NLRP12: variants seen among roughly 807,000 people sequenced by gnomAD.
NLRP12 encodes NACHT, LRR and PYD domains-containing protein 12.
In NLRP12, 108 loss-of-function variants were observed where a neutral mutation model predicts 91.2. The observed-to-expected ratio is 1.18, with a 90% CI of 1.01 to 1.39. The LOEUF (loss-of-function observed/expected upper bound fraction) is 1.39, where lower values mean the gene tolerates loss of function less well. Ranked by LOEUF, NLRP12 falls within the 40% of genes most tolerant of loss-of-function variation. The pLI, the probability that NLRP12 is intolerant of heterozygous loss-of-function variation, is 0.00. For missense variants in NLRP12, 1,530 were observed against 1,352.7 expected (o/e 1.13, Z -2.06); for synonymous variants, 613 against 566.7 (o/e 1.08, Z -1.16).
At chr19:53,823,625 C>T (rs2092302392) in intron 1 of NLRP12, among the ~76,000 whole-genome samples, 1 of 150,624 alleles carries the variant, frequency 6.6e-6, no homozygotes, top group Admixed American at 6.7e-5. Flanking sequence ...CATAGCTCAC[C>T]GCAGCCTCGA....
chr19:53,814,920 T>C lies in NLRP12; in HGVS notation c.358A>G (p.Thr120Ala). 1 of 1,613,540 alleles carries C rather than the reference T, an allele frequency of 6.2e-7. No individual in the cohort carries two copies. The highest frequency in any genetic ancestry group is 8.5e-7 in the Non-Finnish European group (1 of 1,179,770). Residue 120 changes from threonine (T) to alanine (A), a missense_variant, in exon 2 of 10, where the codon ACT (threonine) becomes GCT (alanine). Physicochemically the swap from Thr to Ala is moderately conservative, Grantham distance 58. Coordinates refer to ENST00000324134, the MANE Select transcript of NLRP12 (RefSeq NM_144687.4). ...STCLLEVSLV[T>A]PRKDPQETYR... ...GCTTGAGGCTCACCTTTTCTTGGAG[T>C]GACAAGAGAGACTTCCAGAAGGCAT... is the stretch of plus-strand genomic sequence containing the variant.
At chr19:53,803,656 T>G in intron 6 of NLRP12, 1 of 392,658 alleles carries the variant, frequency 2.5e-6, no homozygotes, top group Middle Eastern at 9.0e-4. Context: ...TCACTGCAAC[T>G]TCCGCCTCTC....
In NLRP12 at chr19:53,809,661, A is replaced by G. The variant is rs1297936600; in HGVS notation, c.1998T>C (p.Tyr666=). 6.2e-7 allele frequency: 1 copy of G among 1,613,884 alleles called. No individual in the cohort carries two copies. The highest frequency in any genetic ancestry group is 1.1e-5 in the South Asian group (1 of 91,084). ...RCRSAQVLHL[Y]GATYSADGED... is the part of the protein sequence containing the mutation. ...CCCCGTCCGCGCTGTAGGTGGCGCCATACAAGTGCAGCACCTGGGCGCTCC... is the reference window on the plus strand; with the variant it reads ...CCCCGTCCGCGCTGTAGGTGGCGCCGTACAAGTGCAGCACCTGGGCGCTCC... Residue 666 remains tyrosine, a synonymous_variant, in exon 3 of 10, where the codon TAT becomes TAC. Coordinates refer to ENST00000324134, the MANE Select transcript of NLRP12 (RefSeq NM_144687.4).
upstream of NLRP12, chr19:53,824,324 A>G (rs549476983): frequency 1.1e-5 from 8 of 729,736 alleles, no homozygotes; most frequent in East Asian, 2.2e-4. Context: ...AGAGCAAGGG[A>G]GGAAAGACCT....
rs2092028292 is a variant in NLRP12, at chr19:53,809,722, T to C, written c.1937A>G (p.Glu646Gly). The C allele has an allele frequency of 1.9e-6, 3 of 1,614,022 alleles. No homozygotes were observed. The highest frequency in any genetic ancestry group is 2.2e-5 in the South Asian group (2 of 91,078). ...CAGACAGAACGAGGAGACCATGTGC[T>C]CCATCTTGGAGGCAATGTTGCTGAC... The part of the protein sequence containing the change: ...IVVSNIASKM[E>G]HMVSSFCLKR... The change falls in exon 3 of 10, where the codon GAG becomes GGG. Residue 646 changes from glutamate to glycine, a missense_variant. Physicochemically the swap from Glu to Gly is moderately conservative, Grantham distance 98. Transcript: ENST00000324134.
chr19:53,819,254 CTTTTTT>C (rs1170866330), intron 1 of NLRP12, among the ~76,000 whole-genome samples: 1 of 150,278 alleles, frequency 6.7e-6, no homozygotes, highest in African/African-American at 2.4e-5. Flanking sequence ...TCTTTCTTTT[CTTTTTT>C]TGAGATGGAG....
At chr19:53,817,679 T>C (rs1376082599) in intron 1 of NLRP12, among the ~76,000 whole-genome samples, 1 of 151,844 alleles carries the variant, frequency 6.6e-6, no homozygotes, top group Admixed American at 6.6e-5. Context: ...GAGGTTGCAG[T>C]GAGCCGAGAT....
Position 53,823,888 on chromosome 19 carries a change from C to G in NLRP12, c.287G>C (p.Arg96Thr). The G allele has an allele frequency of 6.2e-7, 1 of 1,613,952 alleles. No individual in the cohort carries two copies. Among genetic ancestry groups the G allele is most frequent in the East Asian group, 2.2e-5 (1 of 44,866 alleles). The change falls in exon 1 of 10, where the codon AGG (arginine) becomes ACG (threonine). Residue 96 changes from arginine to threonine, a missense_variant and splice_region_variant. Coordinates refer to ENST00000324134, the MANE Select transcript of NLRP12 (RefSeq NM_144687.4). The part of the protein sequence containing the change: ...WERGQREDLV[R>T]DTPPGGPSSL... The stretch of plus-strand genomic sequence containing the variant: ...TGCCTGTCCCGCCACCTCCTTACCC[C>G]TCACCAGGTCCTCTCTCTGTCCTCT...
chr19:53,797,977 C>G (rs1317700471), intron 8 of NLRP12, among the ~76,000 whole-genome samples: 1 of 152,154 alleles, frequency 6.6e-6, no homozygotes, highest in Non-Finnish European at 1.5e-5. Flanking sequence ...TCAGGTGATC[C>G]ACCCACCTCG....
chr19:53,803,485 CTG>C (rs2091906642), intron 6 of NLRP12, among the ~76,000 whole-genome samples: 1 of 151,312 alleles, frequency 6.6e-6, no homozygotes, highest in African/African-American at 2.4e-5. Flanking sequence ...CGGCCCATCT[CTG>C]GAACTTTTTC....
rs756533773 is a variant in NLRP12, at chr19:53,807,641, G to C, written c.2097C>G (p.Asp699Glu). ...CCGCTGCCAGATGTTCACTGTAGGC[G>C]TCCAGCAGAACGGTCCTCTCTGGTC... ...VQLPERTVLL[D>E]AYSEHLAAAL... The change falls in exon 4 of 10, where the codon GAC (aspartate) becomes GAG (glutamate). Residue 699 changes from aspartate (D) to glutamate (E), a missense_variant. Coordinates refer to ENST00000324134, the MANE Select transcript of NLRP12 (RefSeq NM_144687.4). 1.2e-6 allele frequency: 2 copies of C among 1,614,128 alleles called. No homozygotes were observed. The highest frequency in any genetic ancestry group is 2.2e-5 in the South Asian group (2 of 91,086).
intron 9 of NLRP12, among the ~76,000 whole-genome samples, chr19:53,795,107 C>CGT (rs56027837): frequency 0.039 from 3,343 of 85,418 alleles, 73 homozygotes; most frequent in African/African-American, 0.11. Flanking sequence ...CTGGTGTGTG[C>CGT]GTGTGTGTGT....
intron 6 of NLRP12, among the ~76,000 whole-genome samples, chr19:53,801,944 T>C (rs970370405): frequency 6.6e-6 from 1 of 151,620 alleles, no homozygotes; most frequent in Non-Finnish European, 1.5e-5. Context: ...AATACAAAAT[T>C]AGACTGGGCA....
rs370273463 is a variant in NLRP12, at chr19:53,814,827, G to A, written c.370+81C>T. 6.4e-5 allele frequency: 69 copies of A among 1,078,272 alleles called. No homozygotes were observed. The Middle Eastern group carries it at 1.0e-3, about 16-fold the overall frequency. The allele number at this position is 1,078,272 out of a possible 1,614,324, so 66.8% of individuals were successfully genotyped here. A position where few individuals can be genotyped will look rare whatever the true frequency, so the allele number is the denominator to read the frequency against. On this transcript the variant is annotated intron_variant, in intron 2 of 9. Transcript: ENST00000324134. ...TCCACCCCACGAATTCCTCAATCACGCGTTTGTGGTTGGCCTACACTCCGT... is the reference window on the plus strand; with the variant it reads ...TCCACCCCACGAATTCCTCAATCACACGTTTGTGGTTGGCCTACACTCCGT...
At position 53,823,408 on chromosome 19, in the gene NLRP12, AAT is replaced by A. The variant is rs1443054678; in HGVS notation, c.289+476_289+477del. ...ATACATATTTTAAATATATATTTAAAATATATGTTTTAAATATATATATTTAA... is the reference window on the plus strand; with the variant it reads ...ATACATATTTTAAATATATATTTAAAATATGTTTTAAATATATATATTTAA... On this transcript the variant is annotated intron_variant, in intron 1 of 9. Coordinates refer to ENST00000324134, the MANE Select transcript of NLRP12 (RefSeq NM_144687.4). 2.4e-4 allele frequency among the ~76,000 whole-genome samples: 27 copies of A among 112,800 alleles called. 1 individual carries two copies. Among genetic ancestry groups the A allele is most frequent in the East Asian group, 6.9e-4 (3 of 4,328 alleles). 74.0% of individuals were successfully genotyped at this position (112,800 alleles called of 152,430 possible). A position where few individuals can be genotyped will look rare whatever the true frequency, so the allele number is the denominator to read the frequency against.
chr19:53,811,396 TC>T (rs946860336), intron 2 of NLRP12, 108 bp from the exon 3 acceptor site: 2 of 1,278,154 alleles, frequency 1.6e-6, no homozygotes, highest in African/African-American at 2.9e-5. Flanking sequence ...TGCCTGTAGT[TC>T]CAGCTACTCA....
At position 53,824,263 on chromosome 19, in the gene NLRP12, T is replaced by C; in HGVS notation, c.-89A>G. 1 of 1,348,822 alleles carries C rather than the reference T, an allele frequency of 7.4e-7. No homozygotes were observed. Among genetic ancestry groups the C allele is most frequent in the Non-Finnish European group, 1.0e-6 (1 of 956,418 alleles). The allele number at this position is 1,348,822 out of a possible 1,614,324, so 83.6% of individuals were successfully genotyped here. On this transcript the variant is annotated 5_prime_UTR_variant, in exon 1 of 10. Coordinates refer to ENST00000324134, the MANE Select transcript of NLRP12 (RefSeq NM_144687.4). ...AGGGCGACCCCAGCACACCTTCCAT[T>C]GCATCATTCACAGGCAGCGGGCGGA...
chr19:53,795,387 T>TA (rs1465369031), intron 9 of NLRP12, among the ~76,000 whole-genome samples: 3 of 151,736 alleles, frequency 2.0e-5, no homozygotes, highest in African/African-American at 7.3e-5. Flanking sequence ...GAAATTTTTT[T>TA]TTTTTGAGAT....
In NLRP12 at chr19:53,823,544, A is replaced by T. The variant is rs544365927; in HGVS notation, c.289+342T>A. ...CATATATTTTAAATATATATATTTT[A>T]AAAAAATATATTTTAAATATTTGAG... is the stretch of plus-strand genomic sequence containing the variant. On this transcript the variant is annotated intron_variant, in intron 1 of 9. Coordinates refer to ENST00000324134, the MANE Select transcript of NLRP12 (RefSeq NM_144687.4). 1.3e-3 allele frequency among the ~76,000 whole-genome samples: 184 copies of T among 141,358 alleles called. 2 individuals are homozygous for T. Among genetic ancestry groups the T allele is most frequent in the African/African-American group, 4.3e-3 (167 of 38,652 alleles). 92.7% of individuals were successfully genotyped at this position (141,358 alleles called of 152,430 possible).
Sources: allele counts gnomAD v4.1 joint callset (sites outside exome capture counted in the v4.1 genomes callset), GRCh38; gene constraint gnomAD v4.1.1; transcripts MANE v1.5; gene names NCBI Gene and HGNC (gene_info 2026-07-23, HGNC 2026-07-21).